The following GOLT1A variants were observed in gnomAD, a reference collection of about 807,000 sequenced individuals.
GOLT1A encodes vesicle transport protein GOT1A.
In GOLT1A, 10 loss-of-function variants were observed where a neutral mutation model predicts 16.1. The observed-to-expected ratio is 0.62, with a 90% CI of 0.38 to 1.05. The LOEUF (loss-of-function observed/expected upper bound fraction) is 1.05, where lower values mean the gene tolerates loss of function less well. Among genes scored for constraint, GOLT1A ranks in the 50% least tolerant of loss-of-function variants. The pLI is 0.01. For synonymous variants in GOLT1A, 60 were observed against 67.9 expected (o/e 0.88, Z 0.57); for missense variants, 137 against 165.7 (o/e 0.83, Z 0.95).
At chr1:204,207,221 CG>C (rs1412319431) in intron 1 of GOLT1A, among the ~76,000 whole-genome samples, 2 of 152,168 alleles carry the variant, frequency 1.3e-5, no homozygotes, top group African/African-American at 4.8e-5. Flanking sequence ...TGTGCCTGCC[CG>C]GCACGGTCCC....
intron 1 of GOLT1A, among the ~76,000 whole-genome samples, chr1:204,211,726 G>A (rs1659139560): frequency 1.3e-5 from 2 of 152,196 alleles, no homozygotes; most frequent in African/African-American, 4.8e-5. Flanking sequence ...CAACTGGGCT[G>A]AGGGGATTGT....
chr1:204,210,628 C>A, intron 1 of GOLT1A, among the ~76,000 whole-genome samples: 1 of 152,078 alleles, frequency 6.6e-6, no homozygotes, highest in East Asian at 1.9e-4. Flanking sequence ...GTTGTTGAGA[C>A]AGGGGTTTTG....
rs577525432 is a variant in GOLT1A at position 204,201,264 on chromosome 1, T to C, written c.296+369A>G. 5.3e-5 allele frequency among the ~76,000 whole-genome samples: 8 copies of C among 152,320 alleles called. No individual in the cohort carries two copies. The East Asian group carries it at 1.5e-3, about 29-fold the overall frequency. On this transcript the variant is annotated intron_variant, in intron 3 of 4. Coordinates refer to ENST00000308302, the MANE Select transcript of GOLT1A (RefSeq NM_198447.2). ...TTATCTATGAAGTAGAGGATAATCC[T>C]ATAGTGGGTTGTTGTGATAAAATAA...
In GOLT1A at chr1:204,210,031, C is replaced by T. The variant is rs139841818; in HGVS notation, c.25+3851G>A. Among the ~76,000 whole-genome samples, 197 of 152,286 alleles carry T rather than the reference C, an allele frequency of 1.3e-3. 1 individual carries two copies. The highest frequency in any genetic ancestry group is 4.2e-3 in the African/African-American group (174 of 41,556). On this transcript the variant is annotated intron_variant, in intron 1 of 4. Coordinates refer to ENST00000308302, the MANE Select transcript of GOLT1A (RefSeq NM_198447.2). Reference sequence around the variant, plus strand: ...CAAGATCATGCCATTGCACTCTAGCCTGGGCAACAAGAGTGAAACTCCATC... The same window carrying T: ...CAAGATCATGCCATTGCACTCTAGCTTGGGCAACAAGAGTGAAACTCCATC...
intron 3 of GOLT1A, 70 bp from the exon 4 acceptor site, chr1:204,199,328 A>C: frequency 8.0e-7 from 1 of 1,249,908 alleles, no homozygotes; most frequent in Non-Finnish European, 1.2e-6. Flanking sequence ...CACGAGGCTG[A>C]GGTCCACTGA....
chr1:204,203,944 C>T (rs1659002916), intron 1 of GOLT1A, among the ~76,000 whole-genome samples: 1 of 152,290 alleles, frequency 6.6e-6, no homozygotes, highest in African/African-American at 2.4e-5. Flanking sequence ...TGAAGGCCCC[C>T]TCGTTTGGTC....
rs753111341 is a variant in GOLT1A at position 204,202,969 on chromosome 1, G to T, written c.44C>A (p.Thr15Asn). ...GAGGATGAAGAAGATGCCGAAACCGGTGATCCCCACACCAATCTCTGCAAT... is the reference window on the plus strand; with the variant it reads ...GAGGATGAAGAAGATGCCGAAACCGTTGATCCCCACACCAATCTCTGCAAT... ...TEWQKIGVGI[T>N]GFGIFFILFG... The change falls in exon 2 of 5, where the codon ACC becomes AAC. Residue 15 changes from threonine to asparagine, a missense_variant. By Grantham distance (65) the Thr-to-Asn change is moderately conservative. Coordinates refer to ENST00000308302, the MANE Select transcript of GOLT1A (RefSeq NM_198447.2). The T allele has an allele frequency of 5.0e-6, 8 of 1,613,922 alleles. No individual in the cohort carries two copies. Among genetic ancestry groups the T allele is most frequent in the Non-Finnish European group, 6.8e-6 (8 of 1,179,940 alleles).
At chr1:204,208,476 G>GTGTGTGTATATATA (rs1286299770) in intron 1 of GOLT1A, among the ~76,000 whole-genome samples, 2 of 39,948 alleles carry the variant, frequency 5.0e-5, no homozygotes, top group African/African-American at 1.6e-4. Flanking sequence ...GTGTGTGTGT[G>GTGTGTGTATATATA]TATATATATA....
At chr1:204,200,449 G>A (rs112020693) in intron 3 of GOLT1A, among the ~76,000 whole-genome samples, 3,600 of 150,374 alleles carry the variant, frequency 0.024, 146 homozygotes, top group African/African-American at 0.084. Flanking sequence ...TCAGCCTCCC[G>A]AGTAGCTGGG....
intron 4 of GOLT1A, 37 bp downstream of exon 4, chr1:204,199,158 G>C: frequency 6.5e-7 from 1 of 1,543,986 alleles, no homozygotes; most frequent in Admixed American, 1.9e-5. Flanking sequence ...TCACTCCCCA[G>C]GGTACGCCCG....
At chr1:204,203,596 GT>G (rs1487234663) in intron 1 of GOLT1A, among the ~76,000 whole-genome samples, 1 of 152,220 alleles carries the variant, frequency 6.6e-6, no homozygotes, top group Non-Finnish European at 1.5e-5. Context: ...GAAGTCATCA[GT>G]TAGGAATGCA....
intron 1 of GOLT1A, among the ~76,000 whole-genome samples, chr1:204,208,404 ATG>A (rs1659080214): frequency 1.5e-5 from 1 of 67,060 alleles, no homozygotes; most frequent in African/African-American, 3.9e-5. Flanking sequence ...GTATACATAT[ATG>A]TATATATGTA....
Position 204,198,448 on chromosome 1 carries a change from T to A in GOLT1A, c.*10A>T. Reference sequence around the variant, plus strand: ...CAATGATCCAAGTTCAAGGAGCTCATCTCTGTTTTTCAGACCATCGAGCTA... The same window carrying A: ...CAATGATCCAAGTTCAAGGAGCTCAACTCTGTTTTTCAGACCATCGAGCTA... On this transcript the variant is annotated 3_prime_UTR_variant, in exon 5 of 5. Transcript: ENST00000308302. 6 of 1,613,400 alleles carry A rather than the reference T, an allele frequency of 3.7e-6. No homozygotes were observed. The highest frequency in any genetic ancestry group is 5.1e-6 in the Non-Finnish European group (6 of 1,179,540).
At chr1:204,207,416 G>C (rs1322053056) in intron 1 of GOLT1A, among the ~76,000 whole-genome samples, 1 of 152,148 alleles carries the variant, frequency 6.6e-6, no homozygotes, top group Non-Finnish European at 1.5e-5. Context: ...CCCTGGCAAG[G>C]TACACTGATG....
intron 1 of GOLT1A, among the ~76,000 whole-genome samples, chr1:204,211,880 T>C (rs927517180): frequency 6.6e-6 from 1 of 152,128 alleles, no homozygotes; most frequent in African/African-American, 2.4e-5. Flanking sequence ...GCTGATATCC[T>C]ATAATGTACA....
chr1:204,200,675 T>C lies in GOLT1A; in HGVS notation c.296+958A>G, dbSNP rs564055656. Among the ~76,000 whole-genome samples the C allele has an allele frequency of 3.3e-5, 5 of 152,250 alleles. No homozygotes were observed. In the South Asian group the frequency reaches 8.3e-4, roughly 25 times the overall value. ...GGAATAAATAGATGGCAGGTATGCA[T>C]GAGAAACTTTAAAGCCACACTTCCC... On this transcript the variant is annotated intron_variant, in intron 3 of 4. Coordinates refer to ENST00000308302, the MANE Select transcript of GOLT1A (RefSeq NM_198447.2).
chr1:204,199,796 C>T (rs1289566824), intron 3 of GOLT1A, among the ~76,000 whole-genome samples: 1 of 152,164 alleles, frequency 6.6e-6, no homozygotes. Flanking sequence ...CTTTGGCAAC[C>T]CTGCTCTCAT....
At chr1:204,200,518 G>A (rs1475657697) in intron 3 of GOLT1A, among the ~76,000 whole-genome samples, 1 of 151,292 alleles carries the variant, frequency 6.6e-6, no homozygotes, top group Non-Finnish European at 1.5e-5. Flanking sequence ...AGTAGAAACA[G>A]GGTTTCACTA....
At chr1:204,205,985 G>C (rs1659033362) in intron 1 of GOLT1A, among the ~76,000 whole-genome samples, 1 of 152,142 alleles carries the variant, frequency 6.6e-6, no homozygotes, top group Non-Finnish European at 1.5e-5. Context: ...CAGGAGAATT[G>C]CTTGAACCCG....
Sources: allele counts gnomAD v4.1 joint callset (sites outside exome capture counted in the v4.1 genomes callset), GRCh38; gene constraint gnomAD v4.1.1; transcripts MANE v1.5; gene names NCBI Gene and HGNC (gene_info 2026-07-23, HGNC 2026-07-21).